Variants in ADAM12 observed in about 807,000 individuals in gnomAD.
The protein encoded by ADAM12 is disintegrin and metalloproteinase domain-containing protein 12.
ADAM12 carries 70 observed loss-of-function variants against 106.4 expected under a neutral mutation model. The ratio of observed to expected loss-of-function variants is 0.66; its 90% CI spans 0.54 to 0.80. The LOEUF (loss-of-function observed/expected upper bound fraction) is 0.80. Ranked by LOEUF, ADAM12 falls within the 30% of genes least tolerant of loss-of-function variation. The pLI is 0.00. For synonymous variants in ADAM12, 420 were observed against 433.5 expected, an observed-to-expected ratio of 0.97 and a Z score of 0.39; for missense variants, 1,010 against 1,171.9, an observed-to-expected ratio of 0.86 and a Z score of 2.02.
chr10:126,208,474 A>G (rs1332645606), intron 3 of ADAM12, among the ~76,000 whole-genome samples: 2 of 152,224 alleles, frequency 1.3e-5, no homozygotes, highest in Non-Finnish European at 2.9e-5. Flanking sequence ...TTCATATGCA[A>G]TTGTACACAA....
rs1565138271 is a variant in ADAM12 at position 126,206,862 on chromosome 10, G to GC, written c.261-51558_261-51557insG. Among the ~76,000 whole-genome samples the GC allele has an allele frequency of 4.8e-5, 7 of 147,350 alleles. 1 individual carries two copies. The highest frequency in any genetic ancestry group is 1.3e-4 in the Admixed American group (2 of 14,910). On this transcript the variant is annotated intron_variant, in intron 3 of 22. Coordinates refer to ENST00000448723, the MANE Select transcript of ADAM12 (RefSeq NM_001288973.2). ...TGAATTCCCATGTGTTGTGGGGGCG[G>GC]GGGGGAGCCAGTGGGAGGTAATTGA... is the stretch of plus-strand genomic sequence containing the variant.
intron 1 of ADAM12, among the ~76,000 whole-genome samples, chr10:126,342,929 C>A (rs991295299): frequency 6.6e-6 from 1 of 152,020 alleles, no homozygotes; most frequent in South Asian, 2.1e-4. Flanking sequence ...AGGGGTGGGG[C>A]ATGGGCAGGG....
intron 3 of ADAM12, among the ~76,000 whole-genome samples, chr10:126,249,198 G>A (rs1958693325): frequency 6.6e-6 from 1 of 152,102 alleles, no homozygotes; most frequent in Non-Finnish European, 1.5e-5. Context: ...ATTAACTCTG[G>A]AAGATATTTT....
intron 14 of ADAM12, among the ~76,000 whole-genome samples, chr10:126,058,194 C>T (rs1040496162): frequency 1.3e-5 from 2 of 152,200 alleles, no homozygotes; most frequent in African/African-American, 2.4e-5. Context: ...ACCACACTTG[C>T]TTTTGCCTCC....
chr10:126,329,808 A>C (rs1406735913), intron 2 of ADAM12, among the ~76,000 whole-genome samples: 1 of 152,238 alleles, frequency 6.6e-6, no homozygotes, highest in Non-Finnish European at 1.5e-5. Flanking sequence ...ATCTCTTCAA[A>C]GAGCTCATAT....
chr10:126,198,608 T>G (rs1957642040), intron 3 of ADAM12, among the ~76,000 whole-genome samples: 1 of 152,224 alleles, frequency 6.6e-6, no homozygotes, highest in Non-Finnish European at 1.5e-5. Flanking sequence ...CCCCTGCTGC[T>G]CCTACCCAGC....
At position 126,015,503 on chromosome 10, in the gene ADAM12, C is replaced by T. The variant is rs756508707; in HGVS notation, c.*1776G>A. 1.3e-5 allele frequency: 2 copies of T among 152,166 alleles called. No homozygotes were observed. Among genetic ancestry groups the T allele is most frequent in the Non-Finnish European group, 2.9e-5 (2 of 68,028 alleles). 9.4% of individuals were successfully genotyped at this position (152,166 alleles called of 1,614,324 possible). A position where few individuals can be genotyped will look rare whatever the true frequency, so the allele number is the denominator to read the frequency against. On this transcript the variant is annotated 3_prime_UTR_variant, in exon 23 of 23. Transcript: ENST00000448723. ...CTTTACATTTTAAAGAACTTAATAA[C>T]TATAGAATAAACAGATGCATGCTAT...
At chr10:126,252,122 ATGGATGGATGGAC>A (rs1370460541) in intron 3 of ADAM12, among the ~76,000 whole-genome samples, 1 of 149,476 alleles carries the variant, frequency 6.7e-6, no homozygotes, top group East Asian at 2.1e-4. Flanking sequence ...GATGGGATGG[ATGGATGGATGGAC>A]AGGATGGATG....
At chr10:126,262,819 C>G (rs1959027725) in intron 3 of ADAM12, among the ~76,000 whole-genome samples, 1 of 152,192 alleles carries the variant, frequency 6.6e-6, no homozygotes, top group Non-Finnish European at 1.5e-5. Context: ...CCACCCACTC[C>G]TCAGGCCAAG....
rs56666574 is a variant in ADAM12 at position 126,269,090 on chromosome 10, A to T, written c.260+9825T>A. On this transcript the variant is annotated intron_variant, in intron 3 of 22. Coordinates refer to ENST00000448723, the MANE Select transcript of ADAM12 (RefSeq NM_001288973.2). ...TATTCATGCCTCCCCTTTTTAGACC[A>T]TATAGGGTAACTTCCTGACGTTGCC... 8.8e-3 allele frequency among the ~76,000 whole-genome samples: 1,341 copies of T among 152,278 alleles called. 21 individuals are homozygous for T. The highest frequency in any genetic ancestry group is 0.031 in the African/African-American group (1,275 of 41,548).
At chr10:126,036,055 G>A (rs1159258386) in intron 21 of ADAM12, 91 bp downstream of exon 21, 2 of 1,165,344 alleles carry the variant, frequency 1.7e-6, no homozygotes, top group Non-Finnish European at 2.2e-6. Flanking sequence ...GAGGCACCGA[G>A]AAGTTAAGCA....
chr10:126,137,928 G>A (rs1167383663), intron 4 of ADAM12, among the ~76,000 whole-genome samples: 1 of 152,200 alleles, frequency 6.6e-6, no homozygotes, highest in East Asian at 1.9e-4. Flanking sequence ...AAGTAAGGTT[G>A]CTGGTTATAT....
At chr10:126,039,085 G>T (rs1212868567) in intron 19 of ADAM12, among the ~76,000 whole-genome samples, 1 of 146,132 alleles carries the variant, frequency 6.8e-6, no homozygotes, top group African/African-American at 2.5e-5. Context: ...TCAGCCTCCC[G>T]AGTAGATGGG....
chr10:126,034,284 T>C (rs1954019847), intron 21 of ADAM12, among the ~76,000 whole-genome samples: 1 of 152,186 alleles, frequency 6.6e-6, no homozygotes, highest in South Asian at 2.1e-4. Context: ...CACATGTTAC[T>C]TCCATCTAGT....
At chr10:126,304,528 A>G (rs1960760008) in intron 2 of ADAM12, among the ~76,000 whole-genome samples, 1 of 152,144 alleles carries the variant, frequency 6.6e-6, no homozygotes, top group African/African-American at 2.4e-5. Context: ...GAAACCCACT[A>G]TAAGTATAAC....
intron 3 of ADAM12, among the ~76,000 whole-genome samples, chr10:126,268,065 C>T (rs1565179880): frequency 1.3e-5 from 2 of 152,136 alleles, no homozygotes; most frequent in Admixed American, 6.5e-5. Flanking sequence ...TGACATCCAT[C>T]TCCATAAGTC....
intron 3 of ADAM12, among the ~76,000 whole-genome samples, chr10:126,194,508 T>C (rs771842034): frequency 2.0e-5 from 3 of 152,222 alleles, no homozygotes; most frequent in Non-Finnish European, 2.9e-5. Context: ...TCTCCAATTC[T>C]CAGAGACCCC....
At chr10:126,235,516 G>A (rs1406256117) in intron 3 of ADAM12, among the ~76,000 whole-genome samples, 1 of 152,162 alleles carries the variant, frequency 6.6e-6, no homozygotes, top group African/African-American at 2.4e-5. Flanking sequence ...GGCCTTCCTC[G>A]AGGGACTTGA....
At chr10:126,059,078 G>T (rs189435181) in intron 14 of ADAM12, among the ~76,000 whole-genome samples, 1 of 152,296 alleles carries the variant, frequency 6.6e-6, no homozygotes, top group East Asian at 1.9e-4. Flanking sequence ...TTATAATGAT[G>T]TAGAAAGTGA....
Sources: allele counts gnomAD v4.1 joint callset (sites outside exome capture counted in the v4.1 genomes callset), GRCh38; gene constraint gnomAD v4.1.1; transcripts MANE v1.5; gene names NCBI Gene and HGNC (gene_info 2026-07-23, HGNC 2026-07-21).